The following GSTK1 variants were observed in gnomAD, a reference collection of about 807,000 sequenced individuals.
GSTK1 encodes the protein glutathione S-transferase kappa 1.
A neutral mutation model predicts 30.9 loss-of-function variants in GSTK1; 25 were observed. That is an observed-to-expected ratio of 0.81 (90% CI 0.59 to 1.13). The LOEUF (loss-of-function observed/expected upper bound fraction) is 1.13. Among genes scored for constraint, GSTK1 ranks in the 50% most tolerant of loss-of-function variants. The pLI is 0.00. For missense variants in GSTK1, 292 were observed against 292.4 expected, an observed-to-expected ratio of 1.00 and a Z score of 0.01; for synonymous variants, 108 against 112.5, an observed-to-expected ratio of 0.96 and a Z score of 0.25.
At chr7:143,264,765 G>A (rs1316958426) in intron 3 of GSTK1, 89 bp downstream of exon 3, 2 of 1,543,042 alleles carry the variant, frequency 1.3e-6, no homozygotes, top group Non-Finnish European at 1.8e-6. Flanking sequence ...GGCTGCGGGA[G>A]ACTAAAGCAA....
At chr7:143,264,383 G>C (rs1800807961) in intron 2 of GSTK1, 165 bp from the exon 3 acceptor site, 2 of 810,474 alleles carry the variant, frequency 2.5e-6, no homozygotes, top group Admixed American at 4.5e-5. Context: ...GGCGGAGGTT[G>C]CGGTGAGCTG....
chr7:143,267,939 G>A (rs1452092435), intron 6 of GSTK1, 152 bp from the exon 7 acceptor site: 3 of 706,324 alleles, frequency 4.2e-6, no homozygotes, highest in South Asian at 1.7e-5. Context: ...AGAAAAGAGA[G>A]CATCTTAGAA....
rs1800925428 is a variant in GSTK1, at chr7:143,267,792, C to G, written c.537+59C>G. 4 of 1,251,844 alleles carry G rather than the reference C, an allele frequency of 3.2e-6. No homozygotes were observed. In the South Asian group the frequency reaches 4.8e-5, roughly 15 times the overall value. The allele number at this position is 1,251,844 out of a possible 1,614,324, so 77.5% of individuals were successfully genotyped here. A position where few individuals can be genotyped will look rare whatever the true frequency, so the allele number is the denominator to read the frequency against. On this transcript the variant is annotated intron_variant, in intron 6 of 7. Transcript: ENST00000358406. Reference sequence around the variant, plus strand: ...ATCCTGAAGATGGAGACTTGAGAATCTCTAAGTTTGAGTCCTTATGCTCCT... The same window carrying G: ...ATCCTGAAGATGGAGACTTGAGAATGTCTAAGTTTGAGTCCTTATGCTCCT...
Position 143,268,042 on chromosome 7 carries a change from A to G in GSTK1, c.538-49A>G, listed in dbSNP as rs372900818. The G allele has an allele frequency of 1.4e-5, 20 of 1,427,474 alleles. 1 individual carries two copies. Among genetic ancestry groups the G allele is most frequent in the Middle Eastern group, 1.8e-4 (1 of 5,640 alleles). The allele number at this position is 1,427,474 out of a possible 1,614,324, so 88.4% of individuals were successfully genotyped here. ...GACTCAAAGGTTTCAACCCCTGCCTAATACCTGCTCCTTTGCCTTCCTCCT... is the reference window on the plus strand; with the variant it reads ...GACTCAAAGGTTTCAACCCCTGCCTGATACCTGCTCCTTTGCCTTCCTCCT... On this transcript the variant is annotated intron_variant, in intron 6 of 7. Transcript: ENST00000358406. The surrounding 1 kb of genome is among the most constrained non-coding windows in gnomAD (Gnocchi z 4.1).
Position 143,263,507 on chromosome 7 carries a change from C to G in GSTK1, c.-7C>G. ...CCTGCTGCCACTGCTCTTCCGGAGC[C>G]TGCAGCATGGGGCCCCTGCCGCGCA... On this transcript the variant is annotated 5_prime_UTR_variant, in exon 1 of 8. Coordinates refer to ENST00000358406, the MANE Select transcript of GSTK1 (RefSeq NM_015917.3). 2.5e-6 allele frequency: 4 copies of G among 1,609,354 alleles called. No homozygotes were observed. Among genetic ancestry groups the G allele is most frequent in the Non-Finnish European group, 3.4e-6 (4 of 1,179,836 alleles).
At chr7:143,266,653 C>CTTTTTTTTT (rs35527374) in intron 5 of GSTK1, among the ~76,000 whole-genome samples, 23 of 63,320 alleles carry the variant, frequency 3.6e-4, no homozygotes, top group Non-Finnish European at 4.7e-4. Context: ...TTCTTTCTTT[C>CTTTTTTTTT]TTTTTTTTTT....
At position 143,264,618 on chromosome 7, in the gene GSTK1, C is replaced by G. The variant is rs2116694805; in HGVS notation, c.225C>G (p.His75Gln). Residue 75 changes from histidine (H) to glutamine (Q), a missense_variant, in exon 3 of 8, where the codon CAC (histidine) becomes CAG (glutamine). By Grantham distance (24) the His-to-Gln change is conservative (BLOSUM62 0). Transcript: ENST00000358406. ...YMANDLKLLR[H>Q]HLQIPIHFPK... ...CAAATGACTTAAAGCTCCTGAGACA[C>G]CATCTCCAGATTCCCATCCACTTCC... 4 of 1,614,014 alleles carry G rather than the reference C, an allele frequency of 2.5e-6. No individual in the cohort carries two copies. Among genetic ancestry groups the G allele is most frequent in the Non-Finnish European group, 3.4e-6 (4 of 1,179,916 alleles).
chr7:143,267,878 C>A (rs1586427785), intron 6 of GSTK1, 145 bp downstream of exon 6: 1 of 705,592 alleles, frequency 1.4e-6, no homozygotes, highest in East Asian at 2.5e-5. Context: ...TCATCTTCTT[C>A]CTTCTTTTCC....
At chr7:143,263,718 C>A in intron 1 of GSTK1, 133 bp downstream of exon 1, 1 of 775,718 alleles carries the variant, frequency 1.3e-6, no homozygotes, top group South Asian at 1.6e-5. Flanking sequence ...GCAGGGAGAG[C>A]TCCGGGGCTG....
Position 143,268,888 on chromosome 7 carries a change from T to G in GSTK1, c.*51T>G, listed in dbSNP as rs370489421. 1 of 1,510,720 alleles carries G rather than the reference T, an allele frequency of 6.6e-7. No individual in the cohort carries two copies. The highest frequency in any genetic ancestry group is 1.4e-5 in the African/African-American group (1 of 72,818). 93.6% of individuals were successfully genotyped at this position (1,510,720 alleles called of 1,614,324 possible). A position where few individuals can be genotyped will look rare whatever the true frequency, so the allele number is the denominator to read the frequency against. On this transcript the variant is annotated 3_prime_UTR_variant, in exon 8 of 8. Transcript: ENST00000358406. The surrounding 1 kb of genome is among the most constrained non-coding windows in gnomAD (Gnocchi z 4.1). The stretch of plus-strand genomic sequence containing the variant: ...CGTATAAAAAAAGCAGGCCATCTGC[T>G]TAACCCTTGGCTCCACCATAAGGCA...
chr7:143,265,059 G>C lies in GSTK1; in HGVS notation c.351G>C (p.Ala117=). 6.2e-7 allele frequency: 1 copy of C among 1,614,162 alleles called. No individual in the cohort carries two copies. The highest frequency in any genetic ancestry group is 8.5e-7 in the Non-Finnish European group (1 of 1,180,026). ...AGCATCCAGAGATGCTGGAGAAAGC[G>C]TCCCGGGAGCTGTGGATGCGCGTCT... is the stretch of plus-strand genomic sequence containing the variant. The part of the protein sequence containing the change: ...NLEHPEMLEK[A]SRELWMRVWS... Residue 117 remains alanine, a synonymous_variant, in exon 4 of 8, where the codon GCG becomes GCC. Coordinates refer to ENST00000358406, the MANE Select transcript of GSTK1 (RefSeq NM_015917.3).
intron 1 of GSTK1, 54 bp downstream of exon 1, chr7:143,263,639 A>G: frequency 3.3e-6 from 5 of 1,527,648 alleles, no homozygotes; most frequent in Non-Finnish European, 4.5e-6. Context: ...GGCGGAGGGA[A>G]GAGTGAGCGC....
At chr7:143,263,776 C>T (rs893776926) in intron 1 of GSTK1, 191 bp downstream of exon 1, 6 of 616,420 alleles carry the variant, frequency 9.7e-6, no homozygotes, top group East Asian at 2.8e-5. Flanking sequence ...GGCTCCAACC[C>T]GAGCCTTTAT....
At position 143,263,601 on chromosome 7, in the gene GSTK1, G is replaced by T. The variant is rs1227500676; in HGVS notation, c.72+16G>T. 2 of 1,605,450 alleles carry T rather than the reference G, an allele frequency of 1.2e-6. No individual in the cohort carries two copies. The highest frequency in any genetic ancestry group is 2.2e-5 in the South Asian group (2 of 91,046). On this transcript the variant is annotated intron_variant, in intron 1 of 7. Coordinates refer to ENST00000358406, the MANE Select transcript of GSTK1 (RefSeq NM_015917.3). ...GGGCTTCGAGGTGACGCTGGGAGGGGTCGCCTCGGCAGTGTCTGGGGAGTG... is the reference window on the plus strand; with the variant it reads ...GGGCTTCGAGGTGACGCTGGGAGGGTTCGCCTCGGCAGTGTCTGGGGAGTG...
chr7:143,263,798 A>G (rs1042455539), intron 1 of GSTK1: 1 of 606,162 alleles, frequency 1.6e-6, no homozygotes, highest in Non-Finnish European at 2.9e-6. Flanking sequence ...TCCCGACTGC[A>G]GTTTCCCACG....
chr7:143,265,188 C>CG, intron 4 of GSTK1, 73 bp from the exon 5 acceptor site: 1 of 1,607,120 alleles, frequency 6.2e-7, no homozygotes. Context: ...TGCCCCCGCC[C>CG]GGGGGATCTA....
intron 6 of GSTK1, 106 bp from the exon 7 acceptor site, chr7:143,267,985 C>T (rs1369365101): frequency 4.7e-6 from 4 of 853,658 alleles, no homozygotes; most frequent in East Asian, 2.4e-5. Flanking sequence ...GCCTCTTAGA[C>T]CTCTTTGCTT....
At chr7:143,264,475 C>T (rs978739498) in intron 2 of GSTK1, 73 bp from the exon 3 acceptor site, 16 of 1,538,920 alleles carry the variant, frequency 1.0e-5, no homozygotes, top group East Asian at 2.3e-5. Flanking sequence ...CTGCCCAAAA[C>T]CCACGTCGAG....
rs145743461 is a variant in GSTK1, at chr7:143,265,359, G to T, written c.420+63G>T. On this transcript the variant is annotated intron_variant, in intron 5 of 7. Transcript: ENST00000358406. ...GAATCTGAGAACAGTTGGCGTTTGG[G>T]GGTAAAGAAGACAATAGGTCTCTTA... is the stretch of plus-strand genomic sequence containing the variant. 1.6e-4 allele frequency: 217 copies of T among 1,387,524 alleles called. 2 individuals carry two copies. The African/African-American group carries it at 2.2e-3, about 14-fold the overall frequency. 86.0% of individuals were successfully genotyped at this position (1,387,524 alleles called of 1,614,324 possible). A position where few individuals can be genotyped will look rare whatever the true frequency, so the allele number is the denominator to read the frequency against.
Sources: allele counts gnomAD v4.1 joint callset (sites outside exome capture counted in the v4.1 genomes callset), GRCh38; gene constraint gnomAD v4.1.1; non-coding constraint Gnocchi (gnomAD v3.1); transcripts MANE v1.5; gene names NCBI Gene and HGNC (gene_info 2026-07-23, HGNC 2026-07-21).